The following MCHR2 variants were observed in gnomAD, a reference collection of about 807,000 sequenced individuals.
MCHR2 encodes the protein melanin-concentrating hormone receptor 2.
MCHR2 carries 15 observed loss-of-function variants against 24.8 expected under a neutral mutation model. That is an observed-to-expected ratio of 0.60 (90% CI 0.40 to 0.93). The LOEUF is 0.93. MCHR2 is among the 40% of genes least tolerant of loss of function. MCHR2 has a pLI of 0.00. For missense variants in MCHR2, 386 were observed against 408.7 expected (o/e 0.94, Z 0.48); for synonymous variants, 151 against 147.6 (o/e 1.02, Z -0.17).
At position 99,966,337 on chromosome 6, in the gene MCHR2, G is replaced by A. The variant is rs781413798; in HGVS notation, c.-27-10163C>T. The stretch of plus-strand genomic sequence containing the variant: ...GTAAATGTTGGAATTTGAAGTAAAG[G>A]CAAATTGGTGTATCAATGGAAATTC... On this transcript the variant is annotated intron_variant, in intron 1 of 5. Coordinates refer to ENST00000281806, the MANE Select transcript of MCHR2 (RefSeq NM_001040179.2). Among the ~76,000 whole-genome samples, 29 of 152,082 alleles carry A rather than the reference G, an allele frequency of 1.9e-4. 1 individual carries two copies. The highest frequency in any genetic ancestry group is 8.8e-5 in the Non-Finnish European group (6 of 68,018).
intron 1 of MCHR2, among the ~76,000 whole-genome samples, chr6:99,992,081 G>C (rs1775892661): frequency 6.6e-6 from 1 of 152,216 alleles, no homozygotes; most frequent in Non-Finnish European, 1.5e-5. Context: ...CTTCCAGCTG[G>C]GTTGAAGGAA....
intron 4 of MCHR2, 68 bp downstream of exon 4, chr6:99,942,881 G>A: frequency 1.5e-6 from 2 of 1,371,658 alleles, no homozygotes. Context: ...CTGCTCACAT[G>A]TTGACAAGGA....
chr6:99,947,530 G>A lies in MCHR2; in HGVS notation c.392+232C>T, dbSNP rs562259646. Reference sequence around the variant, plus strand: ...CTTGCACTGAATTGCAAATAAAACTGAGTCAAAAAGAATGATTAGAAAAAA... The same window carrying A: ...CTTGCACTGAATTGCAAATAAAACTAAGTCAAAAAGAATGATTAGAAAAAA... On this transcript the variant is annotated intron_variant, in intron 3 of 5. Transcript: ENST00000281806. Among the ~76,000 whole-genome samples, 4 of 152,166 alleles carry A rather than the reference G, an allele frequency of 2.6e-5. No homozygotes were observed. In the East Asian group the frequency reaches 7.7e-4, roughly 29 times the overall value.
At chr6:99,947,084 T>C (rs969111314) in intron 3 of MCHR2, among the ~76,000 whole-genome samples, 2 of 152,094 alleles carry the variant, frequency 1.3e-5, no homozygotes, top group African/African-American at 4.8e-5. Flanking sequence ...CATCATCTCC[T>C]CAAATAACAT....
rs1774172393 is a variant in MCHR2 at position 99,919,070 on chromosome 6, CG to C, written c.*1869del. Among the ~76,000 whole-genome samples, 1 of 152,142 alleles carries C rather than the reference CG, an allele frequency of 6.6e-6. No homozygotes were observed. Among genetic ancestry groups the C allele is most frequent in the Admixed American group, 6.5e-5 (1 of 15,274 alleles). ...AGAAGTCAATATTATTCACTGAGCC[CG>C]GACTGTTGCATCTTAGAAAAGTGAG... On this transcript the variant is annotated 3_prime_UTR_variant, in exon 6 of 6. Coordinates refer to ENST00000281806, the MANE Select transcript of MCHR2 (RefSeq NM_001040179.2).
At position 99,929,609 on chromosome 6, in the gene MCHR2, T is replaced by C. The variant is rs549276870; in HGVS notation, c.707+4789A>G. 2.4e-4 allele frequency among the ~76,000 whole-genome samples: 36 copies of C among 152,104 alleles called. 2 individuals are homozygous for C. The South Asian group carries it at 6.0e-3, about 25-fold the overall frequency. ...ATTATGTAATGGCCTTCTTTGTCTC[T>C]TCTGATCTTTGTTGGTTTAAAGTCT... On this transcript the variant is annotated intron_variant, in intron 5 of 5. Transcript: ENST00000281806.
At chr6:99,927,411 A>G (rs1774391848) in intron 5 of MCHR2, among the ~76,000 whole-genome samples, 1 of 152,146 alleles carries the variant, frequency 6.6e-6, no homozygotes, top group Non-Finnish European at 1.5e-5. Context: ...CATTGAATCT[A>G]TAAATTACCT....
chr6:99,958,442 GA>G (rs199679989), intron 1 of MCHR2, among the ~76,000 whole-genome samples: 4,680 of 152,028 alleles, frequency 0.031, 98 homozygotes, highest in Middle Eastern at 0.061. Context: ...AAGGCTTTTA[GA>G]AGTGAATATA....
chr6:99,972,534 T>C (rs1318780009), intron 1 of MCHR2, among the ~76,000 whole-genome samples: 1 of 152,224 alleles, frequency 6.6e-6, no homozygotes, highest in Non-Finnish European at 1.5e-5. Context: ...ATTAATTTTT[T>C]GAAGGGTTTT....
At chr6:99,939,717 T>A (rs78466723) in intron 4 of MCHR2, among the ~76,000 whole-genome samples, 7 of 152,006 alleles carry the variant, frequency 4.6e-5, no homozygotes, top group Middle Eastern at 3.4e-3. Context: ...TGTTTTTTTT[T>A]TTTTCTTTCC....
Position 99,956,153 on chromosome 6 carries a change from G to T in MCHR2, c.-6C>A. The T allele has an allele frequency of 6.2e-7, 1 of 1,604,984 alleles. No individual in the cohort carries two copies. Among genetic ancestry groups the T allele is most frequent in the Non-Finnish European group, 8.5e-7 (1 of 1,175,152 alleles). ...GATGCATGAAATGGATTCATTGTTC[G>T]TGGACTTTCCAGGGATTAAAGCTGT... On this transcript the variant is annotated 5_prime_UTR_variant, in exon 2 of 6. Transcript: ENST00000281806.
At chr6:99,954,938 C>G (rs1775030979) in intron 2 of MCHR2, among the ~76,000 whole-genome samples, 1 of 152,034 alleles carries the variant, frequency 6.6e-6, no homozygotes, top group African/African-American at 2.4e-5. Context: ...TAGACTTGGT[C>G]CCTTCTGCAG....
rs1775649703 is a variant in MCHR2, at chr6:99,980,613, TGACAGAGAGA to T, written c.-28+13313_-28+13322del. 5.3e-5 allele frequency among the ~76,000 whole-genome samples: 8 copies of T among 150,332 alleles called. No homozygotes were observed. The South Asian group carries it at 1.7e-3, about 32-fold the overall frequency. On this transcript the variant is annotated intron_variant, in intron 1 of 5. Coordinates refer to ENST00000281806, the MANE Select transcript of MCHR2 (RefSeq NM_001040179.2). ...TGCGTGAGAGTGAAAGAGAGGAGAGTGACAGAGAGAGACAGAGAAAAAAAATTTTCGAGAT... is the reference window on the plus strand; with the variant it reads ...TGCGTGAGAGTGAAAGAGAGGAGAGTGACAGAGAAAAAAAATTTTCGAGAT...
chr6:99,928,416 C>G (rs1774421480), intron 5 of MCHR2, among the ~76,000 whole-genome samples: 1 of 151,992 alleles, frequency 6.6e-6, no homozygotes. Context: ...GGAATGGTAC[C>G]AGTTCCTCCT....
At chr6:99,987,816 T>G (rs1317922201) in intron 1 of MCHR2, among the ~76,000 whole-genome samples, 1 of 152,172 alleles carries the variant, frequency 6.6e-6, no homozygotes, top group Non-Finnish European at 1.5e-5. Flanking sequence ...AAATAAACAC[T>G]GTTTTAAAAT....
At chr6:99,925,776 G>T (rs1474087598) in intron 5 of MCHR2, among the ~76,000 whole-genome samples, 1 of 150,384 alleles carries the variant, frequency 6.6e-6, no homozygotes, top group Non-Finnish European at 1.5e-5. Flanking sequence ...TTGAAAAGTT[G>T]TTGTAGTTAT....
chr6:99,940,037 G>C (rs1473608191), intron 4 of MCHR2, among the ~76,000 whole-genome samples: 1 of 151,686 alleles, frequency 6.6e-6, no homozygotes, highest in Admixed American at 6.6e-5. Context: ...TTTGACTTTT[G>C]AGAGTTTATT....
intron 1 of MCHR2, among the ~76,000 whole-genome samples, chr6:99,967,713 T>C (rs530034079): frequency 1.3e-5 from 2 of 152,246 alleles, no homozygotes; most frequent in African/African-American, 4.8e-5. Context: ...CACAATTACA[T>C]TTACCTGTCA....
Position 99,977,985 on chromosome 6 carries a change from T to C in MCHR2, c.-28+15951A>G, listed in dbSNP as rs139970248. On this transcript the variant is annotated intron_variant, in intron 1 of 5. Coordinates refer to ENST00000281806, the MANE Select transcript of MCHR2 (RefSeq NM_001040179.2). ...TCTGAATATGAGGTAAACTCAAAAATTATACCCACGAAGTGAGCAGGCACA... is the reference window on the plus strand; with the variant it reads ...TCTGAATATGAGGTAAACTCAAAAACTATACCCACGAAGTGAGCAGGCACA... 8.1e-3 allele frequency among the ~76,000 whole-genome samples: 1,228 copies of C among 152,212 alleles called. 17 individuals are homozygous for C. Among genetic ancestry groups the C allele is most frequent in the African/African-American group, 0.028 (1,181 of 41,534 alleles).
Sources: gnomAD v4.1 joint callset for allele counts (sites outside exome capture counted in the v4.1 genomes callset) on GRCh38, gnomAD v4.1.1 for gene constraint, MANE v1.5 for transcripts, NCBI Gene and HGNC (gene_info 2026-07-23, HGNC 2026-07-21) for gene names.